Variants in SLC24A2 observed in about 807,000 individuals in gnomAD.
SLC24A2 encodes the protein sodium/potassium/calcium exchanger 2.
A neutral mutation model predicts 62.0 loss-of-function variants in SLC24A2; 36 were observed. That is an observed-to-expected ratio of 0.58 (90% CI 0.44 to 0.77). SLC24A2 has a LOEUF of 0.77. Among genes scored for constraint, SLC24A2 ranks in the 30% least tolerant of loss-of-function variants. The pLI, the probability that SLC24A2 is intolerant of heterozygous loss-of-function variation, is 0.00. For synonymous variants in SLC24A2, 358 were observed against 294.0 expected, an observed-to-expected ratio of 1.22 and a Z score of -2.23; for missense variants, 846 against 817.9, an observed-to-expected ratio of 1.03 and a Z score of -0.42.
intron 5 of SLC24A2, among the ~76,000 whole-genome samples, chr9:19,583,197 C>A (rs1398641278): frequency 6.6e-6 from 1 of 152,170 alleles, no homozygotes; most frequent in Admixed American, 6.5e-5. Flanking sequence ...CCACGCTGGT[C>A]TCTTTGCTGT....
At chr9:19,783,540 G>T (rs1187899507) in intron 2 of SLC24A2, among the ~76,000 whole-genome samples, 3 of 152,080 alleles carry the variant, frequency 2.0e-5, no homozygotes, top group Non-Finnish European at 4.4e-5. Flanking sequence ...CCACACTCCA[G>T]GATTCATCCC....
chr9:19,619,180 A>C (rs1262278073), intron 4 of SLC24A2, among the ~76,000 whole-genome samples: 1 of 152,234 alleles, frequency 6.6e-6, no homozygotes, highest in East Asian at 1.9e-4. Context: ...CCTAAATCAT[A>C]GAGTTCTTTT....
chr9:19,959,160 A>G, the SLC24A2 span, among the ~76,000 whole-genome samples: 71,836 of 152,086 alleles, frequency 0.47, 17,850 homozygotes, highest in Non-Finnish European at 0.56. Flanking sequence ...TTGGCAGAAC[A>G]TAGGAGAAGA....
the SLC24A2 span, among the ~76,000 whole-genome samples, chr9:19,825,468 G>A: frequency 6.6e-6 from 1 of 152,108 alleles, no homozygotes; most frequent in Non-Finnish European, 1.5e-5. Context: ...GATTTAGGCT[G>A]TAGTGTGGTA....
intron 2 of SLC24A2, among the ~76,000 whole-genome samples, chr9:19,771,989 G>C (rs1185377533): frequency 1.3e-5 from 2 of 152,184 alleles, no homozygotes; most frequent in Non-Finnish European, 2.9e-5. Flanking sequence ...AGTACAGACA[G>C]CAAAACAGGC....
intron 2 of SLC24A2, among the ~76,000 whole-genome samples, chr9:19,708,543 G>C (rs1406602234): frequency 1.3e-5 from 2 of 152,124 alleles, no homozygotes; most frequent in African/African-American, 2.4e-5. Context: ...GCATGGTACT[G>C]GTACCAAAAC....
chr9:20,023,286 G>T, the SLC24A2 span, among the ~76,000 whole-genome samples: 1 of 152,198 alleles, frequency 6.6e-6, no homozygotes, highest in Non-Finnish European at 1.5e-5. Flanking sequence ...ATACACAGAG[G>T]ATGGGCTTCC....
At chr9:20,269,124 G>A in the SLC24A2 span, among the ~76,000 whole-genome samples, 2 of 152,100 alleles carry the variant, frequency 1.3e-5, no homozygotes, top group Admixed American at 6.6e-5. Context: ...TTTTTTGCCT[G>A]AAGCACGAAT....
At chr9:19,798,816 C>G in the SLC24A2 span, among the ~76,000 whole-genome samples, 1 of 152,180 alleles carries the variant, frequency 6.6e-6, no homozygotes, top group East Asian at 1.9e-4. Flanking sequence ...ATTTATACCT[C>G]TCTCTACTTT....
intron 2 of SLC24A2, among the ~76,000 whole-genome samples, chr9:19,776,563 G>A (rs924987038): frequency 2.6e-5 from 4 of 152,074 alleles, no homozygotes; most frequent in African/African-American, 9.7e-5. Flanking sequence ...ATGCTGAGGC[G>A]GTCTAGCGTC....
Position 19,581,679 on chromosome 9 carries a change from T to C in SLC24A2, c.1130-4657A>G, listed in dbSNP as rs115670745. 1.6e-3 allele frequency among the ~76,000 whole-genome samples: 244 copies of C among 152,318 alleles called. 1 individual carries two copies. The highest frequency in any genetic ancestry group is 5.6e-3 in the African/African-American group (232 of 41,580). On this transcript the variant is annotated intron_variant, in intron 5 of 10. Transcript: ENST00000341998. ...AGATTGATATTTAAAATAGAATTGA[T>C]GCCTAGCACCTGCAGGTGCAGACCT...
chr9:20,275,603 G>C, the SLC24A2 span, among the ~76,000 whole-genome samples: 11 of 152,204 alleles, frequency 7.2e-5, no homozygotes, highest in African/African-American at 2.4e-4. Flanking sequence ...TCCAGGGCAA[G>C]TTTGTAGACA....
chr9:19,905,581 T>C, the SLC24A2 span, among the ~76,000 whole-genome samples: 1 of 151,890 alleles, frequency 6.6e-6, no homozygotes, highest in Non-Finnish European at 1.5e-5. Flanking sequence ...ACCCGGCTAA[T>C]TTTGTATTTT....
chr9:20,178,176 A>T, the SLC24A2 span, among the ~76,000 whole-genome samples: 8 of 152,212 alleles, frequency 5.3e-5, no homozygotes, highest in African/African-American at 1.9e-4. Context: ...GAGTGAAACC[A>T]TCTTCACAGT....
At chr9:19,836,669 T>G in the SLC24A2 span, among the ~76,000 whole-genome samples, 5 of 152,174 alleles carry the variant, frequency 3.3e-5, no homozygotes, top group Admixed American at 6.5e-5. Flanking sequence ...ACTGGTACCA[T>G]TCCTTCTGAA....
the SLC24A2 span, among the ~76,000 whole-genome samples, chr9:19,897,514 A>T: frequency 6.6e-6 from 1 of 152,214 alleles, no homozygotes; most frequent in South Asian, 2.1e-4. Context: ...TATTTAAAAC[A>T]GTGTATTTTG....
chr9:19,895,410 A>G, the SLC24A2 span, among the ~76,000 whole-genome samples: 1 of 152,108 alleles, frequency 6.6e-6, no homozygotes, highest in African/African-American at 2.4e-5. Context: ...ACTGGGGGAT[A>G]TTGTCCAATA....
intron 7 of SLC24A2, among the ~76,000 whole-genome samples, chr9:19,567,349 T>A (rs7859330): frequency 0.054 from 8,165 of 151,448 alleles, 714 homozygotes; most frequent in African/African-American, 0.19. Context: ...GATCAAGACC[T>A]TCCTGGCTAA....
At chr9:20,229,086 T>A in the SLC24A2 span, among the ~76,000 whole-genome samples, 2 of 152,180 alleles carry the variant, frequency 1.3e-5, no homozygotes, top group East Asian at 3.8e-4. Flanking sequence ...AGAGTGCTGA[T>A]TCCTGAGGGG....
Sources: gnomAD v4.1 joint callset for allele counts (sites outside exome capture counted in the v4.1 genomes callset) on GRCh38, gnomAD v4.1.1 for gene constraint, MANE v1.5 for transcripts, NCBI Gene and HGNC (gene_info 2026-07-23, HGNC 2026-07-21) for gene names.